TNS3: variants seen among roughly 807,000 people sequenced by gnomAD.
The protein encoded by TNS3 is tensin-3.
TNS3 carries 45 observed loss-of-function variants against 140.9 expected under a neutral mutation model. That is an observed-to-expected ratio of 0.32 (90% confidence interval 0.25 to 0.41). The LOEUF is 0.41. Among genes scored for constraint, TNS3 ranks in the 10% least tolerant of loss-of-function variants. TNS3 has a pLI of 1.00. For synonymous variants in TNS3, 815 were observed against 788.4 expected, an observed-to-expected ratio of 1.03 and a Z score of -0.56; for missense variants, 1,716 against 1,906.7, an observed-to-expected ratio of 0.90 and a Z score of 1.86.
At chr7:47,398,022 A>G (rs1368479935) in intron 15 of TNS3, among the ~76,000 whole-genome samples, 3 of 152,214 alleles carry the variant, frequency 2.0e-5, no homozygotes, top group Non-Finnish European at 4.4e-5. Context: ...ATTCAAGACT[A>G]TTATGAACAC....
intron 6 of TNS3, among the ~76,000 whole-genome samples, chr7:47,437,745 TACACACACACACACACAC>T (rs67341898): frequency 3.7e-5 from 5 of 135,814 alleles, no homozygotes; most frequent in African/African-American, 1.1e-4. Flanking sequence ...ACATATAGGA[TACACACACACACACACAC>T]ACACACACAC....
intron 1 of TNS3, among the ~76,000 whole-genome samples, chr7:47,563,506 G>C (rs1442739097): frequency 1.3e-5 from 2 of 152,160 alleles, no homozygotes; most frequent in Non-Finnish European, 2.9e-5. Flanking sequence ...CTGAAGCCAG[G>C]ATGCTCATTC....
intron 4 of TNS3, among the ~76,000 whole-genome samples, chr7:47,475,907 C>T (rs1369784169): frequency 6.6e-6 from 1 of 152,202 alleles, no homozygotes; most frequent in Non-Finnish European, 1.5e-5. Context: ...CAGGAATCAT[C>T]TACTGTGTCT....
Position 47,275,554 on chromosome 7 carries a change from A to G in TNS3, c.*2522T>C. ...AACGTTCCTTTTCCTGTGGCCCTAG[A>G]GCCGGTGTCCACGGTGGGGGCTCTC... On this transcript the variant is annotated 3_prime_UTR_variant, in exon 31 of 31. Transcript: ENST00000311160. The G allele has an allele frequency of 3.1e-6, 1 of 325,094 alleles. No homozygotes were observed. Among genetic ancestry groups the G allele is most frequent in the Non-Finnish European group, 6.0e-6 (1 of 166,138 alleles). The allele number at this position is 325,094 out of a possible 1,614,324, so 20.1% of individuals were successfully genotyped here. A position where few individuals can be genotyped will look rare whatever the true frequency, so the allele number is the denominator to read the frequency against.
intron 3 of TNS3, among the ~76,000 whole-genome samples, chr7:47,498,905 C>T (rs992955370): frequency 6.6e-6 from 1 of 152,224 alleles, no homozygotes; most frequent in Non-Finnish European, 1.5e-5. Context: ...AGGAGCAGAG[C>T]CCCACAGGGC....
At position 47,533,123 on chromosome 7, in the gene TNS3, A is replaced by ATATAT. The variant is rs1186427934; in HGVS notation, c.-264-3977_-264-3976insATATA. Among the ~76,000 whole-genome samples the ATATAT allele has an allele frequency of 6.9e-4, 61 of 88,824 alleles. 1 individual carries two copies. The highest frequency in any genetic ancestry group is 1.7e-3 in the African/African-American group (27 of 16,006). 58.3% of individuals were successfully genotyped at this position (88,824 alleles called of 152,430 possible). ...AGATTTTATATATATATATATATAT[A>ATATAT]TTTTTTTTTTTTTTTTTTTTTTTTT... On this transcript the variant is annotated intron_variant, in intron 1 of 30. Transcript: ENST00000311160.
chr7:47,467,080 T>C (rs1796750399), intron 4 of TNS3, among the ~76,000 whole-genome samples: 1 of 152,228 alleles, frequency 6.6e-6, no homozygotes, highest in African/African-American at 2.4e-5. Flanking sequence ...TAATTACATC[T>C]GTGTCCAAAG....
chr7:47,361,049 T>C (rs888926829), intron 17 of TNS3, among the ~76,000 whole-genome samples: 7 of 151,586 alleles, frequency 4.6e-5, no homozygotes, highest in African/African-American at 9.7e-5. Context: ...CCCTCCCTCC[T>C]GAGATTCTTC....
chr7:47,388,332 C>T (rs1792193017), intron 16 of TNS3, among the ~76,000 whole-genome samples: 1 of 152,150 alleles, frequency 6.6e-6, no homozygotes, highest in African/African-American at 2.4e-5. Context: ...GAGCCCTCTT[C>T]CAGGTTCATG....
chr7:47,357,982 C>T (rs1790092352), intron 17 of TNS3, among the ~76,000 whole-genome samples: 1 of 152,186 alleles, frequency 6.6e-6, no homozygotes, highest in African/African-American at 2.4e-5. Flanking sequence ...CTGCAAACCA[C>T]AGAAGGGGGA....
chr7:47,363,997 G>A (rs1393155197), intron 17 of TNS3, among the ~76,000 whole-genome samples: 1 of 152,098 alleles, frequency 6.6e-6, no homozygotes, highest in Non-Finnish European at 1.5e-5. Context: ...CCTTCAAAGT[G>A]CAGGCACTCC....
At chr7:47,405,290 A>T (rs756404431) in intron 13 of TNS3, among the ~76,000 whole-genome samples, 64 of 152,190 alleles carry the variant, frequency 4.2e-4, no homozygotes, top group Middle Eastern at 3.2e-3. Context: ...TTTACTAAGC[A>T]AAAGAGCAGA....
At chr7:47,494,882 T>C (rs144241110) in intron 3 of TNS3, among the ~76,000 whole-genome samples, 192 of 152,276 alleles carry the variant, frequency 1.3e-3, no homozygotes, top group African/African-American at 4.4e-3. Context: ...AAACAAGTTT[T>C]ATTTTACAAT....
chr7:47,404,923 G>C (rs1793361044), intron 13 of TNS3, among the ~76,000 whole-genome samples: 1 of 152,106 alleles, frequency 6.6e-6, no homozygotes, highest in Non-Finnish European at 1.5e-5. Context: ...ATATGCCTGT[G>C]CCCTTGACTG....
chr7:47,278,126 T>A lies in TNS3; in HGVS notation c.4288A>T (p.Ile1430Phe). 6.2e-7 allele frequency: 1 copy of A among 1,614,084 alleles called. No homozygotes were observed. The highest frequency in any genetic ancestry group is 8.5e-7 in the Non-Finnish European group (1 of 1,180,018). The change falls in exon 31 of 31, where the codon ATT becomes TTT. Residue 1430 changes from isoleucine (I) to phenylalanine (F), a missense_variant. By Grantham distance (21) the Ile-to-Phe change is conservative. Around this residue, in one of 3 missense-constraint regions of TNS3, gnomAD observed 216 missense variants for 295.7 expected, o/e 0.73. Coordinates refer to ENST00000311160, the MANE Select transcript of TNS3 (RefSeq NM_022748.12). ...EHDPEQPASA[I>F]VNFVSKVMIG... is the part of the protein sequence containing the mutation. Reference sequence around the variant, plus strand: ...ATGACCTTTGATACGAAGTTGACAATGGCACTGGCAGGCTGCTCAGGGTCA... The same window carrying A: ...ATGACCTTTGATACGAAGTTGACAAAGGCACTGGCAGGCTGCTCAGGGTCA...
At chr7:47,576,835 C>T (rs904928576) in intron 1 of TNS3, among the ~76,000 whole-genome samples, 1 of 152,222 alleles carries the variant, frequency 6.6e-6, no homozygotes, top group Non-Finnish European at 1.5e-5. Flanking sequence ...AATCCTCCAG[C>T]GAGAAATAAT....
rs769585436 is a variant in TNS3 at position 47,293,708 on chromosome 7, G to A, written c.3772+25C>T. Reference sequence around the variant, plus strand: ...CCAGGCCTCATGAGTTCAGAACATTGACAGCAACCTCTCAAGCAACTCACC... The same window carrying A: ...CCAGGCCTCATGAGTTCAGAACATTAACAGCAACCTCTCAAGCAACTCACC... On this transcript the variant is annotated intron_variant, in intron 25 of 30. Coordinates refer to ENST00000311160, the MANE Select transcript of TNS3 (RefSeq NM_022748.12). 3.1e-6 allele frequency: 5 copies of A among 1,608,068 alleles called. No homozygotes were observed. The South Asian group carries it at 4.4e-5, about 14-fold the overall frequency.
intron 21 of TNS3, among the ~76,000 whole-genome samples, chr7:47,304,408 G>A (rs1293779959): frequency 3.3e-5 from 5 of 152,194 alleles, no homozygotes; most frequent in Admixed American, 6.5e-5. Context: ...AGGGAGCTAC[G>A]TGTTCATACA....
chr7:47,582,386 T>C (rs1284026869), upstream of TNS3: 1 of 455,936 alleles, frequency 2.2e-6, no homozygotes, highest in Non-Finnish European at 4.4e-6. Flanking sequence ...CTCCAAGTGG[T>C]CTGGAGGCTT....
Sources: gnomAD v4.1 joint callset for allele counts (sites outside exome capture counted in the v4.1 genomes callset) on GRCh38, gnomAD v4.1.1 for gene constraint, gnomAD v4.1.1 regional missense constraint, MANE v1.5 for transcripts, NCBI Gene and HGNC (gene_info 2026-07-23, HGNC 2026-07-21) for gene names.